EPC2: variants seen among roughly 807,000 people sequenced by gnomAD.
EPC2 encodes enhancer of polycomb homolog 2.
In EPC2, 14 loss-of-function variants were observed where a neutral mutation model predicts 92.1. The ratio of observed to expected loss-of-function variants is 0.15; its 90% CI spans 0.10 to 0.24. EPC2 has a LOEUF of 0.24. Among genes scored for constraint, EPC2 ranks in the 10% least tolerant of loss-of-function variants. EPC2 has a pLI of 1.00. For synonymous variants in EPC2, 340 were observed against 334.7 expected (o/e 1.02, Z -0.17); for missense variants, 755 against 971.5 (o/e 0.78, Z 2.96).
chr2:148,771,411 T>C, intron 10 of EPC2, 24 bp downstream of exon 10: 1 of 1,497,316 alleles, frequency 6.7e-7, no homozygotes, highest in Non-Finnish European at 9.0e-7. Context: ...GTGTTAAAAG[T>C]ATATCCTGCT....
At chr2:148,757,464 A>G (rs1683214427) in intron 4 of EPC2, among the ~76,000 whole-genome samples, 1 of 152,170 alleles carries the variant, frequency 6.6e-6, no homozygotes, top group Non-Finnish European at 1.5e-5. Flanking sequence ...CATATTTCCT[A>G]GCTCTGTTCA....
intron 2 of EPC2, among the ~76,000 whole-genome samples, chr2:148,717,305 G>A (rs1682281255): frequency 6.7e-6 from 1 of 149,772 alleles, no homozygotes; most frequent in Non-Finnish European, 1.5e-5. Flanking sequence ...TTTGCCCTTG[G>A]TCCTCTAGTT....
chr2:148,786,413 T>C lies in EPC2; in HGVS notation c.*36T>C, dbSNP rs1341087759. ...GTGGCTCTGACCTGTGCTGATGGTG[T>C]GCAGTCATTCATATTCCAGCTGAAT... On this transcript the variant is annotated 3_prime_UTR_variant, in exon 14 of 14. Transcript: ENST00000258484. The C allele has an allele frequency of 6.5e-7, 1 of 1,541,972 alleles. No individual in the cohort carries two copies. The highest frequency in any genetic ancestry group is 1.2e-5 in the South Asian group (1 of 85,874).
At chr2:148,748,606 A>T (rs1416527486) in intron 3 of EPC2, among the ~76,000 whole-genome samples, 1 of 152,168 alleles carries the variant, frequency 6.6e-6, no homozygotes, top group Non-Finnish European at 1.5e-5. Context: ...CAGATATATA[A>T]TGAGATTATT....
At chr2:148,755,182 C>G (rs1016643867) in intron 4 of EPC2, among the ~76,000 whole-genome samples, 17 of 152,004 alleles carry the variant, frequency 1.1e-4, no homozygotes, top group Non-Finnish European at 5.9e-5. Context: ...GATGGATTTC[C>G]CAAGTGTAGA....
chr2:148,734,920 TATC>T (rs1012172415), intron 2 of EPC2, among the ~76,000 whole-genome samples: 22 of 152,132 alleles, frequency 1.4e-4, no homozygotes, highest in African/African-American at 5.1e-4. Context: ...GTTTTTTTTT[TATC>T]ATTGAAGGAC....
intron 2 of EPC2, among the ~76,000 whole-genome samples, chr2:148,721,993 A>G (rs1682389949): frequency 6.8e-6 from 1 of 146,208 alleles, no homozygotes; most frequent in African/African-American, 2.5e-5. Context: ...GTTTTCTGAA[A>G]TTCCTGGTTG....
intron 1 of EPC2, among the ~76,000 whole-genome samples, chr2:148,685,556 C>G (rs1036696227): frequency 1.3e-5 from 2 of 152,100 alleles, no homozygotes; most frequent in Non-Finnish European, 1.5e-5. Context: ...GTCAGGAGAT[C>G]GAGACCATCC....
At chr2:148,785,424 T>G (rs1683848010) in intron 13 of EPC2, among the ~76,000 whole-genome samples, 1 of 151,030 alleles carries the variant, frequency 6.6e-6, no homozygotes, top group Non-Finnish European at 1.5e-5. Context: ...GCCTCCCAGG[T>G]TCAAGCGATT....
chr2:148,672,643 T>C (rs1350485355), intron 1 of EPC2, among the ~76,000 whole-genome samples: 2 of 152,216 alleles, frequency 1.3e-5, no homozygotes, highest in Non-Finnish European at 1.5e-5. Context: ...GTCAAAATTA[T>C]ATTTTTTGTG....
In EPC2 at chr2:148,671,060, A is replaced by T. The variant is rs1456708750; in HGVS notation, c.154-19154A>T. On this transcript the variant is annotated intron_variant, in intron 1 of 13. Coordinates refer to ENST00000258484, the MANE Select transcript of EPC2 (RefSeq NM_015630.4). Reference sequence around the variant, plus strand: ...CTTGGGTACTTGGGAAGGAGGGGCCATTTGGGCATAAAGTCTGATATATAG... The same window carrying T: ...CTTGGGTACTTGGGAAGGAGGGGCCTTTTGGGCATAAAGTCTGATATATAG... Among the ~76,000 whole-genome samples the T allele has an allele frequency of 2.6e-5, 4 of 152,166 alleles. No individual in the cohort carries two copies. In the East Asian group the frequency reaches 7.7e-4, roughly 29 times the overall value.
At position 148,690,305 on chromosome 2, in the gene EPC2, A is replaced by G; in HGVS notation, c.245A>G (p.Asn82Ser). 1.9e-6 allele frequency: 3 copies of G among 1,613,044 alleles called. No individual in the cohort carries two copies. Among genetic ancestry groups the G allele is most frequent in the African/African-American group, 2.7e-5 (2 of 75,034 alleles). The change falls in exon 2 of 14, where the codon AAC becomes AGC. Residue 82 changes from asparagine (N) to serine (S), a missense_variant. This residue lies in a region of EPC2 where 509 missense variants were observed against 607.7 expected (regional missense o/e 0.84). Transcript: ENST00000258484. The part of the protein sequence containing the change: ...MVIPVPEAES[N>S]VNYYNRLYKG... ...ATTCCTGTTCCTGAGGCAGAGAGCA[A>G]CGTCAACTATTACAATCGCTTGTAC...
chr2:148,765,887 T>A (rs953540945), intron 7 of EPC2, among the ~76,000 whole-genome samples: 20 of 151,780 alleles, frequency 1.3e-4, no homozygotes, highest in Admixed American at 3.3e-4. Flanking sequence ...ACAAAAAAAA[T>A]CAGCCAGGTG....
At position 148,770,843 on chromosome 2, in the gene EPC2, T is replaced by C. The variant is rs367952044; in HGVS notation, c.1282T>C (p.Leu428=). The change falls in exon 9 of 14, where the codon TTG becomes CTG. Residue 428 remains leucine, a synonymous_variant. Coordinates refer to ENST00000258484, the MANE Select transcript of EPC2 (RefSeq NM_015630.4). ...HSCENSELAD[L]DKLRYRHCLT... ...ATGTGAAAATTCAGAATTGGCAGAT[T>C]TGGATAAGTTGAGGTATAGGCATTG... 3 of 1,613,828 alleles carry C rather than the reference T, an allele frequency of 1.9e-6. No individual in the cohort carries two copies. In the East Asian group the frequency reaches 6.7e-5, roughly 36 times the overall value.
At chr2:148,679,333 T>G (rs1681342479) in intron 1 of EPC2, among the ~76,000 whole-genome samples, 1 of 152,162 alleles carries the variant, frequency 6.6e-6, no homozygotes, top group Admixed American at 6.5e-5. Flanking sequence ...AATGATGCCA[T>G]AACTAAGAGC....
At chr2:148,778,343 T>C (rs545734342) in intron 10 of EPC2, among the ~76,000 whole-genome samples, 2 of 152,364 alleles carry the variant, frequency 1.3e-5, no homozygotes, top group African/African-American at 4.8e-5. Flanking sequence ...GCTGGGTCTC[T>C]ATCTTGTATC....
intron 2 of EPC2, chr2:148,692,900 T>C (rs1295662199): frequency 6.6e-6 from 1 of 152,206 alleles, no homozygotes; most frequent in East Asian, 1.9e-4. Flanking sequence ...GAAATTATTT[T>C]ACCTTTCATT....
intron 2 of EPC2, among the ~76,000 whole-genome samples, chr2:148,705,566 A>T (rs1461773947): frequency 6.6e-6 from 1 of 152,102 alleles, no homozygotes; most frequent in Non-Finnish European, 1.5e-5. Flanking sequence ...ACTTGGAGAC[A>T]CCTCCCAGTA....
intron 2 of EPC2, among the ~76,000 whole-genome samples, chr2:148,709,323 C>A (rs1008405137): frequency 6.6e-6 from 1 of 152,160 alleles, no homozygotes; most frequent in African/African-American, 2.4e-5. Context: ...AACTACAAAC[C>A]ACTGCTCAAC....
Sources: allele counts gnomAD v4.1 joint callset (sites outside exome capture counted in the v4.1 genomes callset), GRCh38; gene constraint gnomAD v4.1.1; regional missense constraint gnomAD v4.1.1; transcripts MANE v1.5; gene names NCBI Gene and HGNC (gene_info 2026-07-23, HGNC 2026-07-21).